MAP2: variants seen among roughly 807,000 people sequenced by gnomAD.
MAP2 encodes the protein microtubule-associated protein 2.
Under a neutral mutation model 137.6 loss-of-function variants are expected in MAP2, and 14 were observed. The ratio of observed to expected loss-of-function variants is 0.10; its 90% confidence interval spans 0.07 to 0.16. The LOEUF (loss-of-function observed/expected upper bound fraction) is 0.16. MAP2 is among the 10% of genes least tolerant of loss of function. MAP2 has a pLI of 1.00. For missense variants in MAP2, 2,088 were observed against 2,191.5 expected (o/e 0.95, Z 0.94); for synonymous variants, 786 against 782.3 (o/e 1.00, Z -0.08).
intron 3 of MAP2, among the ~76,000 whole-genome samples, chr2:209,617,594 C>T (rs201169782): frequency 6.6e-6 from 1 of 152,228 alleles, no homozygotes; most frequent in East Asian, 1.9e-4. Flanking sequence ...AGGAGAGACT[C>T]TTTGCTTCTT....
At chr2:209,446,262 A>G (rs1229656457) in intron 1 of MAP2, among the ~76,000 whole-genome samples, 1 of 151,804 alleles carries the variant, frequency 6.6e-6, no homozygotes, top group Non-Finnish European at 1.5e-5. Context: ...TTAGAGTCAT[A>G]TAGACCTTTA....
chr2:209,456,372 G>A (rs527731615), intron 1 of MAP2, among the ~76,000 whole-genome samples: 1 of 152,260 alleles, frequency 6.6e-6, no homozygotes, highest in South Asian at 2.1e-4. Flanking sequence ...GTGAATGAAG[G>A]AGCCAGTTTA....
At chr2:209,649,074 A>G (rs1311563260) in intron 4 of MAP2, among the ~76,000 whole-genome samples, 1 of 152,082 alleles carries the variant, frequency 6.6e-6, no homozygotes, top group Non-Finnish European at 1.5e-5. Context: ...TTTCTCTGTC[A>G]CCCAGGTTGA....
intron 2 of MAP2, among the ~76,000 whole-genome samples, chr2:209,510,136 G>T (rs1453726572): frequency 6.6e-6 from 1 of 151,110 alleles, no homozygotes; most frequent in Non-Finnish European, 1.5e-5. Flanking sequence ...AAAAAAATGT[G>T]TATTGGTTTT....
intron 2 of MAP2, among the ~76,000 whole-genome samples, chr2:209,565,004 A>G (rs1340150407): frequency 6.6e-6 from 1 of 152,092 alleles, no homozygotes. Context: ...TGAACACCTC[A>G]GTTGTCTTGA....
intron 3 of MAP2, among the ~76,000 whole-genome samples, chr2:209,586,979 T>A (rs1043873744): frequency 2.6e-5 from 4 of 152,208 alleles, no homozygotes; most frequent in Non-Finnish European, 4.4e-5. Context: ...CAGCCAGTTT[T>A]ATGAAAAATC....
chr2:209,727,799 C>CT (rs1404150197), intron 14 of MAP2, among the ~76,000 whole-genome samples: 1 of 152,140 alleles, frequency 6.6e-6, no homozygotes, highest in Non-Finnish European at 1.5e-5. Context: ...GCATGGATCT[C>CT]TGAGTTTAAG....
chr2:209,489,724 G>A (rs760801860), intron 1 of MAP2, among the ~76,000 whole-genome samples: 24 of 152,184 alleles, frequency 1.6e-4, no homozygotes, highest in Non-Finnish European at 2.8e-4. Flanking sequence ...GAAATAAAGC[G>A]TGAAGACAAG....
intron 2 of MAP2, among the ~76,000 whole-genome samples, chr2:209,536,497 T>C (rs548241718): frequency 1.3e-5 from 2 of 152,320 alleles, no homozygotes; most frequent in African/African-American, 4.8e-5. Context: ...AAAATGTTGT[T>C]TGTTGACCTT....
At chr2:209,680,078 C>T (rs1293157465) in intron 6 of MAP2, among the ~76,000 whole-genome samples, 1 of 152,126 alleles carries the variant, frequency 6.6e-6, no homozygotes, top group African/African-American at 2.4e-5. Context: ...AAATGAATTA[C>T]ATCTTTTAGA....
chr2:209,595,842 AAC>A (rs1256561001), intron 3 of MAP2, among the ~76,000 whole-genome samples: 1 of 152,188 alleles, frequency 6.6e-6, no homozygotes, highest in East Asian at 1.9e-4. Context: ...ATTCTGAGCA[AAC>A]TATCACAAAG....
At chr2:209,683,076 G>A (rs923389961) in intron 7 of MAP2, among the ~76,000 whole-genome samples, 3 of 152,142 alleles carry the variant, frequency 2.0e-5, no homozygotes, top group Non-Finnish European at 4.4e-5. Context: ...AAGAAGCAGA[G>A]TCCTCCCATC....
At chr2:209,547,491 C>A (rs978327169) in intron 2 of MAP2, among the ~76,000 whole-genome samples, 1 of 151,950 alleles carries the variant, frequency 6.6e-6, no homozygotes, top group Admixed American at 6.6e-5. Context: ...CGTAAAATAC[C>A]GGCAGATTGT....
chr2:209,459,553 G>C (rs1464728390), intron 1 of MAP2, among the ~76,000 whole-genome samples: 3 of 152,210 alleles, frequency 2.0e-5, no homozygotes, highest in Non-Finnish European at 4.4e-5. Flanking sequence ...CCTCCAGGCA[G>C]ATTCGGATCT....
chr2:209,615,763 A>T (rs2089073051), intron 3 of MAP2, among the ~76,000 whole-genome samples: 1 of 152,174 alleles, frequency 6.6e-6, no homozygotes, highest in Non-Finnish European at 1.5e-5. Context: ...CTGGATTGAG[A>T]ACTTGTGTTC....
intron 3 of MAP2, among the ~76,000 whole-genome samples, chr2:209,606,053 A>G (rs2084616484): frequency 6.6e-6 from 1 of 151,982 alleles, no homozygotes; most frequent in South Asian, 2.1e-4. Context: ...CAGTTTTTTT[A>G]GTGACTATGT....
intron 10 of MAP2, among the ~76,000 whole-genome samples, 158 bp downstream of exon 10, chr2:209,697,209 T>TC (rs1349239699): frequency 2.6e-5 from 4 of 151,998 alleles, no homozygotes; most frequent in African/African-American, 7.3e-5. Context: ...TTATTCTTTT[T>TC]TCCCCCCTCC....
chr2:209,534,477 G>A (rs566862260), intron 2 of MAP2, among the ~76,000 whole-genome samples: 2 of 152,254 alleles, frequency 1.3e-5, no homozygotes, highest in Non-Finnish European at 1.5e-5. Flanking sequence ...TGTTGTGTAC[G>A]GGGGTGGGTG....
chr2:209,477,528 A>G (rs17309518), intron 1 of MAP2, among the ~76,000 whole-genome samples: 3,552 of 152,286 alleles, frequency 0.023, 46 homozygotes, highest in Non-Finnish European at 0.033. Context: ...GGAGGGCACA[A>G]TAAAGAACAT....
Sources: allele counts gnomAD v4.1 joint callset (sites outside exome capture counted in the v4.1 genomes callset), GRCh38; gene constraint gnomAD v4.1.1; transcripts MANE v1.5; gene names NCBI Gene and HGNC (gene_info 2026-07-23, HGNC 2026-07-21).